PTPN9: variants seen among roughly 807,000 people sequenced by gnomAD.
PTPN9 encodes protein tyrosine phosphatase non-receptor type 9, also known as tyrosine-protein phosphatase non-receptor type 9.
Under a neutral mutation model 69.8 loss-of-function variants are expected in PTPN9, and 26 were observed. The ratio of observed to expected loss-of-function variants is 0.37; its 90% CI spans 0.27 to 0.52. The LOEUF (loss-of-function observed/expected upper bound fraction) is 0.52. PTPN9 is among the 20% of genes least tolerant of loss of function. The pLI is 0.91. For synonymous variants in PTPN9, 274 were observed against 272.5 expected (o/e 1.01, Z -0.05); for missense variants, 549 against 740.3 (o/e 0.74, Z 3.00).
chr15:75,477,833 CTTT>C (rs1196645006), intron 9 of PTPN9, among the ~76,000 whole-genome samples: 23 of 91,822 alleles, frequency 2.5e-4, no homozygotes, highest in East Asian at 1.0e-3. Flanking sequence ...ATCAGATACT[CTTT>C]TTTTTTTTTT....
intron 5 of PTPN9, among the ~76,000 whole-genome samples, chr15:75,515,241 C>T (rs990720873): frequency 6.6e-6 from 1 of 151,244 alleles, no homozygotes; most frequent in East Asian, 2.0e-4. Context: ...TCTTGGCTAA[C>T]ATGGTGAAAC....
At chr15:75,529,074 C>T (rs900436228) in intron 1 of PTPN9, among the ~76,000 whole-genome samples, 2 of 151,742 alleles carry the variant, frequency 1.3e-5, no homozygotes, top group Non-Finnish European at 2.9e-5. Flanking sequence ...GCAACCTCTG[C>T]CTCCAGGGTT....
At chr15:75,479,275 A>G (rs2074614508) in intron 9 of PTPN9, among the ~76,000 whole-genome samples, 1 of 152,112 alleles carries the variant, frequency 6.6e-6, no homozygotes, top group African/African-American at 2.4e-5. Context: ...CCACTGCACA[A>G]TAGCCTGGGC....
In PTPN9 at chr15:75,473,648, G is replaced by C. The variant is rs201681867; in HGVS notation, c.1208+41C>G. ...CTTTAATCACCCATGCCTAGGGACA[G>C]AGTGGAGGTGGAGACCTTTGGAAAA... On this transcript the variant is annotated intron_variant, in intron 10 of 12. Coordinates refer to ENST00000618819, the MANE Select transcript of PTPN9 (RefSeq NM_002833.4). 5 of 1,446,376 alleles carry C rather than the reference G, an allele frequency of 3.5e-6. No individual in the cohort carries two copies. The East Asian group carries it at 1.1e-4, about 33-fold the overall frequency. The allele number at this position is 1,446,376 out of a possible 1,614,324, so 89.6% of individuals were successfully genotyped here.
intron 7 of PTPN9, among the ~76,000 whole-genome samples, chr15:75,503,455 A>G (rs1484037380): frequency 1.6e-5 from 2 of 123,256 alleles, no homozygotes; most frequent in African/African-American, 6.4e-5. Context: ...GCCCCGTCTG[A>G]GAAGTGAGGA....
intron 1 of PTPN9, among the ~76,000 whole-genome samples, chr15:75,565,184 G>A (rs1024445228): frequency 1.3e-5 from 2 of 151,112 alleles, no homozygotes; most frequent in African/African-American, 4.9e-5. Flanking sequence ...CTCCACCTCT[G>A]AAAACCCCTG....
intron 1 of PTPN9, among the ~76,000 whole-genome samples, chr15:75,545,128 C>T (rs1389754060): frequency 1.3e-5 from 2 of 152,316 alleles, no homozygotes; most frequent in East Asian, 3.9e-4. Context: ...CAACTGCATA[C>T]TCAACACCAA....
In PTPN9 at chr15:75,518,870, C is replaced by A. The variant is rs80190955; in HGVS notation, c.423-1506G>T. On this transcript the variant is annotated intron_variant, in intron 4 of 12. Coordinates refer to ENST00000618819, the MANE Select transcript of PTPN9 (RefSeq NM_002833.4). Reference sequence around the variant, plus strand: ...CCTATTCCCAGACCAAACTGAGGAACATTTGAAGATACAGAAAGTATTCCT... The same window carrying A: ...CCTATTCCCAGACCAAACTGAGGAAAATTTGAAGATACAGAAAGTATTCCT... Among the ~76,000 whole-genome samples, 232 of 150,628 alleles carry A rather than the reference C, an allele frequency of 1.5e-3. 1 individual carries two copies. The highest frequency in any genetic ancestry group is 2.9e-3 in the Non-Finnish European group (193 of 67,590).
chr15:75,578,537 C>A (rs2141349345), intron 1 of PTPN9, among the ~76,000 whole-genome samples, 177 bp downstream of exon 1: 1 of 152,262 alleles, frequency 6.6e-6, no homozygotes, highest in African/African-American at 2.4e-5. Flanking sequence ...CGTGGGTCCC[C>A]CGACGAGGGG....
chr15:75,500,255 T>A (rs1447450531), intron 7 of PTPN9, among the ~76,000 whole-genome samples: 3 of 151,902 alleles, frequency 2.0e-5, no homozygotes, highest in Admixed American at 2.0e-4. Context: ...GAGGTTGCAG[T>A]GGGCTGAGAT....
chr15:75,505,061 CG>C (rs1050781916), intron 7 of PTPN9, among the ~76,000 whole-genome samples: 11 of 152,158 alleles, frequency 7.2e-5, no homozygotes, highest in Non-Finnish European at 1.6e-4. Flanking sequence ...GGATGGTTGC[CG>C]TGTCTGTGTA....
At chr15:75,560,887 C>G (rs1473327628) in intron 1 of PTPN9, among the ~76,000 whole-genome samples, 1 of 151,754 alleles carries the variant, frequency 6.6e-6, no homozygotes, top group Admixed American at 6.6e-5. Context: ...GGCATGGTGG[C>G]TCGTGCCTGT....
intron 1 of PTPN9, among the ~76,000 whole-genome samples, chr15:75,542,409 TCTTCCATCTACCAC>T (rs2075013701): frequency 6.6e-6 from 1 of 152,156 alleles, no homozygotes; most frequent in Non-Finnish European, 1.5e-5. Context: ...ACCATGGGAC[TCTTCCATCTACCAC>T]ATCAAGCATT....
chr15:75,556,522 A>G (rs1022821801), intron 1 of PTPN9, among the ~76,000 whole-genome samples: 2 of 151,942 alleles, frequency 1.3e-5, no homozygotes, highest in Non-Finnish European at 2.9e-5. Context: ...GATTACAGGC[A>G]TGTGCCACCA....
At chr15:75,554,164 G>C (rs1220444946) in intron 1 of PTPN9, among the ~76,000 whole-genome samples, 1 of 149,864 alleles carries the variant, frequency 6.7e-6, no homozygotes, top group East Asian at 2.0e-4. Flanking sequence ...GACTACAGGA[G>C]TATGCCACCA....
rs2074619340 is a variant in PTPN9, at chr15:75,479,975, T to C, written c.1063-61A>G. 4.1e-6 allele frequency: 5 copies of C among 1,206,346 alleles called. No homozygotes were observed. In the South Asian group the frequency reaches 6.9e-5, roughly 17 times the overall value. The allele number at this position is 1,206,346 out of a possible 1,614,324, so 74.7% of individuals were successfully genotyped here. ...AGAATACACCATTTGGGTCATAAAA[T>C]GATGTACTCAGTAAGTAAAACCCAA... On this transcript the variant is annotated intron_variant, in intron 8 of 12. Transcript: ENST00000618819.
At chr15:75,500,371 A>G (rs143449664) in intron 7 of PTPN9, among the ~76,000 whole-genome samples, 2,658 of 148,018 alleles carry the variant, frequency 0.018, 32 homozygotes, top group Non-Finnish European at 0.03. Flanking sequence ...ACACACACAC[A>G]TATATATACA....
intron 1 of PTPN9, among the ~76,000 whole-genome samples, chr15:75,548,764 C>G (rs962342414): frequency 6.6e-6 from 1 of 150,952 alleles, no homozygotes; most frequent in Non-Finnish European, 1.5e-5. Flanking sequence ...CGCCATTCTC[C>G]TGCCTCAGCC....
intron 8 of PTPN9, chr15:75,487,456 T>C (rs1371789896): frequency 6.6e-6 from 1 of 152,208 alleles, no homozygotes; most frequent in South Asian, 2.1e-4. Flanking sequence ...ATGATCTTCA[T>C]ATTAACCACA....
Sources: allele counts gnomAD v4.1 joint callset (sites outside exome capture counted in the v4.1 genomes callset), GRCh38; gene constraint gnomAD v4.1.1; transcripts MANE v1.5; gene names NCBI Gene and HGNC (gene_info 2026-07-23, HGNC 2026-07-21).